Variants in POU2F1 observed in about 807,000 individuals in gnomAD.
The protein encoded by POU2F1 is POU domain, class 2, transcription factor 1.
A neutral mutation model predicts 84.9 loss-of-function variants in POU2F1; 16 were observed. The observed-to-expected ratio is 0.19, with a 90% CI of 0.13 to 0.29. POU2F1 has a LOEUF of 0.29. POU2F1 is among the 10% of genes least tolerant of loss of function. POU2F1 has a pLI of 1.00. For missense variants in POU2F1, 738 were observed against 942.6 expected, an observed-to-expected ratio of 0.78 and a Z score of 2.84; for synonymous variants, 368 against 368.3, an observed-to-expected ratio of 1.00 and a Z score of 0.01.
intron 1 of POU2F1, among the ~76,000 whole-genome samples, chr1:167,308,497 G>C (rs1295132501): frequency 6.6e-6 from 1 of 152,040 alleles, no homozygotes; most frequent in Non-Finnish European, 1.5e-5. Flanking sequence ...TCATCACCAA[G>C]TTTTCATTTA....
At chr1:167,251,750 C>T (rs987294654) in intron 1 of POU2F1, among the ~76,000 whole-genome samples, 3 of 152,052 alleles carry the variant, frequency 2.0e-5, no homozygotes, top group African/African-American at 7.2e-5. Flanking sequence ...AAGATGAAAA[C>T]ACCATATCAC....
At chr1:167,365,817 G>C (rs953217227) in intron 3 of POU2F1, among the ~76,000 whole-genome samples, 1 of 152,196 alleles carries the variant, frequency 6.6e-6, no homozygotes, top group African/African-American at 2.4e-5. Context: ...ATAACAACTG[G>C]TTTATTGTTT....
chr1:167,411,186 C>T (rs61806127), intron 13 of POU2F1, among the ~76,000 whole-genome samples: 7 of 151,992 alleles, frequency 4.6e-5, no homozygotes, highest in Admixed American at 1.3e-4. Flanking sequence ...ACTACAGGCG[C>T]GTGCCACCAC....
At chr1:167,313,529 G>A (rs1655647153) in intron 1 of POU2F1, among the ~76,000 whole-genome samples, 1 of 152,106 alleles carries the variant, frequency 6.6e-6, no homozygotes, top group Non-Finnish European at 1.5e-5. Context: ...GAGATGTATA[G>A]CCAACTTATT....
Position 167,388,325 on chromosome 1 carries a change from A to G in POU2F1, c.814-1263A>G, listed in dbSNP as rs1312701716. On this transcript the variant is annotated intron_variant, in intron 8 of 15. Transcript: ENST00000367866. Reference sequence around the variant, plus strand: ...AGCAAAACATTTTTTAAAACTGCTAACGTAAGTCATGTGGAAGAGTGTTGC... The same window carrying G: ...AGCAAAACATTTTTTAAAACTGCTAGCGTAAGTCATGTGGAAGAGTGTTGC... Among the ~76,000 whole-genome samples the G allele has an allele frequency of 2.6e-5, 4 of 152,352 alleles. No individual in the cohort carries two copies. In the South Asian group the frequency reaches 6.2e-4, roughly 24 times the overall value.
At chr1:167,270,429 G>A (rs1434982940) in intron 1 of POU2F1, among the ~76,000 whole-genome samples, 1 of 152,144 alleles carries the variant, frequency 6.6e-6, no homozygotes, top group Non-Finnish European at 1.5e-5. Flanking sequence ...GTACTTGGCA[G>A]CAAAATAAAA....
At chr1:167,382,684 G>A (rs1222765163) in intron 7 of POU2F1, among the ~76,000 whole-genome samples, 1 of 152,168 alleles carries the variant, frequency 6.6e-6, no homozygotes, top group Non-Finnish European at 1.5e-5. Context: ...AGAAATGTTT[G>A]TAGTAATATA....
intron 1 of POU2F1, among the ~76,000 whole-genome samples, chr1:167,296,491 A>G (rs1006417573): frequency 6.6e-6 from 1 of 152,170 alleles, no homozygotes; most frequent in Non-Finnish European, 1.5e-5. Context: ...TTGTGATAAA[A>G]TAATAAAAAC....
intron 1 of POU2F1, among the ~76,000 whole-genome samples, chr1:167,319,295 T>G (rs374537862): frequency 1.1e-3 from 164 of 152,328 alleles, no homozygotes; most frequent in African/African-American, 3.5e-3. Flanking sequence ...TTCCCAACTT[T>G]TTGTTGTCGG....
chr1:167,407,976 A>C (rs1649699971), intron 13 of POU2F1, among the ~76,000 whole-genome samples: 1 of 152,262 alleles, frequency 6.6e-6, no homozygotes, highest in Non-Finnish European at 1.5e-5. Context: ...TTTGCAGATC[A>C]CATATCCAAT....
rs1450931730 is a variant in POU2F1, at chr1:167,421,918, G to T, written c.*6108G>T. 2.0e-5 allele frequency: 3 copies of T among 151,870 alleles called. No individual in the cohort carries two copies. Among genetic ancestry groups the T allele is most frequent in the Non-Finnish European group, 4.4e-5 (3 of 67,962 alleles). The allele number at this position is 151,870 out of a possible 1,614,324, so 9.4% of individuals were successfully genotyped here. ...TTTATAGGGTTAGGGAGGGTTGGGTGGGGGAAGAGGAGATGTTGATTATGT... is the reference window on the plus strand; with the variant it reads ...TTTATAGGGTTAGGGAGGGTTGGGTTGGGGAAGAGGAGATGTTGATTATGT... On this transcript the variant is annotated 3_prime_UTR_variant, in exon 16 of 16. Transcript: ENST00000367866.
At chr1:167,410,714 C>T (rs947578634) in intron 13 of POU2F1, among the ~76,000 whole-genome samples, 3 of 151,926 alleles carry the variant, frequency 2.0e-5, no homozygotes, top group African/African-American at 7.3e-5. Flanking sequence ...CGGGGTTTCA[C>T]CACATTGGCC....
intron 2 of POU2F1, among the ~76,000 whole-genome samples, chr1:167,361,992 C>A (rs1309132599): frequency 1.3e-5 from 2 of 151,976 alleles, no homozygotes; most frequent in Non-Finnish European, 2.9e-5. Context: ...GTAGGGTGCT[C>A]CTTTTCTCCC....
intron 1 of POU2F1, among the ~76,000 whole-genome samples, chr1:167,224,689 C>G (rs1352051678): frequency 6.6e-6 from 1 of 152,064 alleles, no homozygotes; most frequent in African/African-American, 2.4e-5. Context: ...TATTTCTAAC[C>G]TGAATTTGTG....
Position 167,416,091 on chromosome 1 carries a change from A to C in POU2F1, c.*281A>C. 2.0e-6 allele frequency: 1 copy of C among 495,164 alleles called. No homozygotes were observed. The highest frequency in any genetic ancestry group is 4.6e-5 in the East Asian group (1 of 21,832). The allele number at this position is 495,164 out of a possible 1,614,324, so 30.7% of individuals were successfully genotyped here. A position where few individuals can be genotyped will look rare whatever the true frequency, so the allele number is the denominator to read the frequency against. On this transcript the variant is annotated 3_prime_UTR_variant, in exon 16 of 16. Coordinates refer to ENST00000367866, the MANE Select transcript of POU2F1 (RefSeq NM_002697.4). ...GAGAACTTTCTAACCAAAAATTAAA[A>C]AAAAAAAAAAAAAAAGAAACAAAAA...
At chr1:167,369,226 C>T (rs1317613133) in intron 3 of POU2F1, among the ~76,000 whole-genome samples, 1 of 152,230 alleles carries the variant, frequency 6.6e-6, no homozygotes, top group African/African-American at 2.4e-5. Context: ...TCAGATTCTA[C>T]ACTTTTGTTA....
At chr1:167,302,537 G>A (rs552553382) in intron 1 of POU2F1, among the ~76,000 whole-genome samples, 6 of 152,094 alleles carry the variant, frequency 3.9e-5, no homozygotes, top group Non-Finnish European at 8.8e-5. Context: ...GATTACAGGC[G>A]TGAGCCACCG....
At chr1:167,386,949 G>A (rs1648025044) in intron 8 of POU2F1, among the ~76,000 whole-genome samples, 1 of 152,198 alleles carries the variant, frequency 6.6e-6, no homozygotes, top group African/African-American at 2.4e-5. Flanking sequence ...ACTATCTGTA[G>A]TAACTGCTAC....
chr1:167,409,364 A>G (rs1015850244), intron 13 of POU2F1, among the ~76,000 whole-genome samples: 27 of 152,180 alleles, frequency 1.8e-4, no homozygotes, highest in Admixed American at 1.2e-3. Context: ...ATAGCTTCCT[A>G]CTGCCCCTGT....
Sources: allele counts gnomAD v4.1 joint callset (sites outside exome capture counted in the v4.1 genomes callset), GRCh38; gene constraint gnomAD v4.1.1; transcripts MANE v1.5; gene names NCBI Gene and HGNC (gene_info 2026-07-23, HGNC 2026-07-21).